Variants in ASIC2 observed in about 807,000 individuals in gnomAD.
The protein encoded by ASIC2 is acid sensing ion channel subunit 2, also known as acid-sensing ion channel 2.
Under a neutral mutation model 57.3 loss-of-function variants are expected in ASIC2, and 25 were observed. That is an observed-to-expected ratio of 0.44 (90% CI 0.32 to 0.61). The LOEUF is 0.61. ASIC2 is among the 20% of genes least tolerant of loss of function. The pLI is 0.06. For missense variants in ASIC2, 641 were observed against 738.1 expected (o/e 0.87, Z 1.52); for synonymous variants, 319 against 307.5 (o/e 1.04, Z -0.39).
chr17:33,018,407 G>A (rs867049893), intron 7 of ASIC2, among the ~76,000 whole-genome samples: 7 of 152,232 alleles, frequency 4.6e-5, no homozygotes, highest in East Asian at 3.8e-4. Flanking sequence ...GTTCCCGCTG[G>A]GGGTAAGGTG....
At chr17:34,031,972 G>A (rs1459110981) in intron 1 of ASIC2, among the ~76,000 whole-genome samples, 1 of 152,160 alleles carries the variant, frequency 6.6e-6, no homozygotes, top group Non-Finnish European at 1.5e-5. Context: ...CCCCAATCTA[G>A]CAAGGCAGAC....
chr17:33,161,649 T>A (rs1467028077), intron 1 of ASIC2, among the ~76,000 whole-genome samples: 1 of 152,224 alleles, frequency 6.6e-6, no homozygotes, highest in Admixed American at 6.5e-5. Context: ...TTCACAAAAA[T>A]ATACTTGAAG....
At chr17:33,783,810 T>G (rs1911525954) in intron 1 of ASIC2, among the ~76,000 whole-genome samples, 3 of 152,352 alleles carry the variant, frequency 2.0e-5, no homozygotes, top group East Asian at 1.9e-4. Context: ...TGTGCCCACT[T>G]TAGACCTCAG....
At chr17:33,605,709 A>G (rs1477352794) in intron 1 of ASIC2, among the ~76,000 whole-genome samples, 1 of 152,214 alleles carries the variant, frequency 6.6e-6, no homozygotes, top group Non-Finnish European at 1.5e-5. Context: ...ACTGGCCGAG[A>G]CCAGACTATC....
intron 3 of ASIC2, among the ~76,000 whole-genome samples, chr17:33,037,694 A>G (rs532339062): frequency 5.3e-5 from 8 of 152,346 alleles, no homozygotes; most frequent in Admixed American, 5.2e-4. Flanking sequence ...GGAAAGATAG[A>G]CACAAGAATA....
chr17:33,506,929 C>T lies in ASIC2; in HGVS notation c.556-394862G>A, dbSNP rs146513600. Among the ~76,000 whole-genome samples the T allele has an allele frequency of 2.2e-3, 341 of 152,300 alleles. 1 individual carries two copies. The highest frequency in any genetic ancestry group is 8.0e-3 in the African/African-American group (331 of 41,554). On this transcript the variant is annotated intron_variant, in intron 1 of 9. Transcript: ENST00000359872. ...CCAGCTGGACTAAACATGGTCTTCA[C>T]TGCAGGGAGGCTGAATGTCATCAAA...
At chr17:34,048,840 C>T (rs1908435329) in intron 1 of ASIC2, among the ~76,000 whole-genome samples, 1 of 152,142 alleles carries the variant, frequency 6.6e-6, no homozygotes, top group Admixed American at 6.5e-5. Flanking sequence ...GAACACCATT[C>T]TATTTATGAA....
intron 1 of ASIC2, among the ~76,000 whole-genome samples, chr17:34,068,542 C>A (rs1909260750): frequency 6.6e-6 from 1 of 152,194 alleles, no homozygotes; most frequent in South Asian, 2.1e-4. Context: ...TGACCTTTAG[C>A]AAGCCACTCA....
chr17:33,444,832 G>C (rs1458310142), intron 1 of ASIC2, among the ~76,000 whole-genome samples: 5 of 152,088 alleles, frequency 3.3e-5, no homozygotes, highest in Non-Finnish European at 7.4e-5. Flanking sequence ...TAAAGACTTG[G>C]TCCTAATACT....
intron 1 of ASIC2, among the ~76,000 whole-genome samples, chr17:33,968,703 C>T (rs1289428232): frequency 1.3e-5 from 2 of 152,206 alleles, no homozygotes; most frequent in Non-Finnish European, 2.9e-5. Flanking sequence ...TGCCAGTGTG[C>T]GGCCCCATTA....
At position 33,016,024 on chromosome 17, in the gene ASIC2, G is replaced by T. The variant is rs1259540337; in HGVS notation, c.1537C>A (p.Leu513Ile). 1.2e-6 allele frequency: 2 copies of T among 1,613,950 alleles called. No homozygotes were observed. The highest frequency in any genetic ancestry group is 3.3e-5 in the Admixed American group (2 of 60,008). Residue 513 changes from leucine (L) to isoleucine (I), a missense_variant, in exon 9 of 10, where the codon CTA becomes ATA. By Grantham distance (5) the Leu-to-Ile change is conservative. Transcript: ENST00000225823. ...TCCTCTTTGCCAAGCAGGTCTAATA[G>T]CTTCTCTTTGATCAGCTGCAAGAAA... ...DYIYELIKEK[L>I]LDLLGKEEDE...
At chr17:34,014,974 T>C (rs953061934) in intron 1 of ASIC2, among the ~76,000 whole-genome samples, 1 of 150,708 alleles carries the variant, frequency 6.6e-6, no homozygotes, top group Non-Finnish European at 1.5e-5. Context: ...ATCCTCGACC[T>C]CACAGGCTCA....
At chr17:33,782,297 T>A (rs1307965063) in intron 1 of ASIC2, among the ~76,000 whole-genome samples, 1 of 152,160 alleles carries the variant, frequency 6.6e-6, no homozygotes, top group East Asian at 1.9e-4. Flanking sequence ...CATTTTTACA[T>A]TTACATCTGT....
intron 1 of ASIC2, among the ~76,000 whole-genome samples, chr17:33,239,291 A>G (rs1005576594): frequency 1.6e-5 from 2 of 125,150 alleles, no homozygotes; most frequent in Admixed American, 7.9e-5. Flanking sequence ...ACTCCGTCTC[A>G]AAAAAAAAAA....
At chr17:33,763,573 G>A (rs1411376894) in intron 1 of ASIC2, among the ~76,000 whole-genome samples, 1 of 152,114 alleles carries the variant, frequency 6.6e-6, no homozygotes. Context: ...TCAAACTTAG[G>A]TGCACCCAAG....
chr17:34,137,051 A>G lies in ASIC2; in HGVS notation c.555+18927T>C, dbSNP rs368352174. On this transcript the variant is annotated intron_variant, in intron 1 of 9. Transcript: ENST00000359872. ...CTACCTTTCCCATGAAGTCTTTCCA[A>G]TCCCCCTAGAAGGAATGAATCACTC... 4.1e-4 allele frequency among the ~76,000 whole-genome samples: 62 copies of G among 152,302 alleles called. 1 individual carries two copies. Among genetic ancestry groups the G allele is most frequent in the African/African-American group, 1.4e-3 (58 of 41,564 alleles).
intron 1 of ASIC2, among the ~76,000 whole-genome samples, chr17:33,439,850 T>TC (rs757285733): frequency 3.7e-4 from 56 of 152,282 alleles, no homozygotes; most frequent in Admixed American, 1.4e-3. Flanking sequence ...AAGCATCGGC[T>TC]CCAGTCTGCC....
chr17:33,252,951 T>C (rs1908936999), intron 1 of ASIC2, among the ~76,000 whole-genome samples: 1 of 152,180 alleles, frequency 6.6e-6, no homozygotes, highest in Admixed American at 6.5e-5. Flanking sequence ...AGAACCCAGA[T>C]CCACCTGGAT....
chr17:34,125,698 T>C (rs1418462383), intron 1 of ASIC2, among the ~76,000 whole-genome samples: 4 of 152,130 alleles, frequency 2.6e-5, no homozygotes, highest in South Asian at 2.1e-4. Context: ...AAGGAGGAAG[T>C]TGAGGTGTAA....
Sources: allele counts gnomAD v4.1 joint callset (sites outside exome capture counted in the v4.1 genomes callset), GRCh38; gene constraint gnomAD v4.1.1; transcripts MANE v1.5; gene names NCBI Gene and HGNC (gene_info 2026-07-23, HGNC 2026-07-21).